Variants in SH3RF3 observed in about 807,000 individuals in gnomAD.
The protein encoded by SH3RF3 is E3 ubiquitin-protein ligase SH3RF3.
Under a neutral mutation model 66.3 loss-of-function variants are expected in SH3RF3, and 29 were observed. The ratio of observed to expected loss-of-function variants is 0.44; its 90% confidence interval spans 0.33 to 0.60. The LOEUF (loss-of-function observed/expected upper bound fraction) is 0.60. Ranked by LOEUF, SH3RF3 falls within the 20% of genes least tolerant of loss-of-function variation. The pLI, the probability that SH3RF3 is intolerant of heterozygous loss-of-function variation, is 0.04. For synonymous variants in SH3RF3, 583 were observed against 532.0 expected, an observed-to-expected ratio of 1.10 and a Z score of -1.32; for missense variants, 1,194 against 1,190.9, an observed-to-expected ratio of 1.00 and a Z score of -0.04.
rs563280927 is a variant in SH3RF3, at chr2:109,138,965, GA to G, written c.573+8853del. Among the ~76,000 whole-genome samples the G allele has an allele frequency of 7.4e-4, 112 of 152,232 alleles. 1 individual carries two copies. Among genetic ancestry groups the G allele is most frequent in the Non-Finnish European group, 1.2e-3 (79 of 68,046 alleles). On this transcript the variant is annotated intron_variant, in intron 1 of 9. Transcript: ENST00000309415. ...AACAAATAGCCAATAGGTATCTCTT[GA>G]CATGTGGTAATAAGAGACATGAAGA... is the stretch of plus-strand genomic sequence containing the variant.
intron 7 of SH3RF3, among the ~76,000 whole-genome samples, chr2:109,445,380 C>T (rs1427722645): frequency 6.6e-6 from 1 of 152,164 alleles, no homozygotes; most frequent in Non-Finnish European, 1.5e-5. Context: ...CCTAAACATG[C>T]TGAACTTAAA....
intron 1 of SH3RF3, among the ~76,000 whole-genome samples, chr2:109,266,325 G>A (rs1409772465): frequency 6.6e-6 from 1 of 151,998 alleles, no homozygotes; most frequent in Non-Finnish European, 1.5e-5. Context: ...TGTATGGTGT[G>A]TGTGTTGTGT....
At chr2:109,167,291 G>A (rs1358236258) in intron 1 of SH3RF3, among the ~76,000 whole-genome samples, 2 of 152,196 alleles carry the variant, frequency 1.3e-5, no homozygotes, top group Admixed American at 1.3e-4. Flanking sequence ...CATAGGTACA[G>A]GAGATGCGGT....
chr2:109,235,144 A>G (rs1436337827), intron 1 of SH3RF3, among the ~76,000 whole-genome samples: 1 of 152,168 alleles, frequency 6.6e-6, no homozygotes, highest in Non-Finnish European at 1.5e-5. Flanking sequence ...CCCTGGGAAG[A>G]CTGTCTGGCC....
chr2:109,436,924 A>T lies in SH3RF3; in HGVS notation c.1606A>T (p.Asn536Tyr). Residue 536 changes from asparagine to tyrosine, a missense_variant, in exon 7 of 10, where the codon AAT (asparagine) becomes TAT (tyrosine). Asn to Tyr is a moderately radical substitution (Grantham distance 143). Coordinates refer to ENST00000309415, the MANE Select transcript of SH3RF3 (RefSeq NM_001099289.3). The stretch of plus-strand genomic sequence containing the variant: ...TGCAGGAGGGGCAGGGCCGCCCCGG[A>T]ATAATGTAGTCGGAGGGTCTCCACT... ...VPAGGAGPPR[N>Y]NVVGGSPLAK... 6.2e-7 allele frequency: 1 copy of T among 1,613,654 alleles called. No individual in the cohort carries two copies. The highest frequency in any genetic ancestry group is 2.2e-5 in the East Asian group (1 of 44,880).
intron 1 of SH3RF3, among the ~76,000 whole-genome samples, chr2:109,288,710 C>G (rs571325339): frequency 6.6e-6 from 1 of 152,178 alleles, no homozygotes; most frequent in Non-Finnish European, 1.5e-5. Flanking sequence ...ATTGCTGGAC[C>G]TGACCCCTGT....
chr2:109,406,096 C>T (rs896960889), intron 4 of SH3RF3, among the ~76,000 whole-genome samples: 2 of 152,158 alleles, frequency 1.3e-5, no homozygotes, highest in Non-Finnish European at 2.9e-5. Flanking sequence ...GATGGCCCGT[C>T]CTGCTCATGT....
At chr2:109,390,971 C>G (rs1304073806) in intron 3 of SH3RF3, among the ~76,000 whole-genome samples, 2 of 152,226 alleles carry the variant, frequency 1.3e-5, no homozygotes, top group Non-Finnish European at 2.9e-5. Flanking sequence ...GCAGCTTGGC[C>G]AACTGCCCCC....
Position 109,449,277 on chromosome 2 carries a change from T to A in SH3RF3, c.1936T>A (p.Ser646Thr). 1 of 1,610,954 alleles carries A rather than the reference T, an allele frequency of 6.2e-7. No homozygotes were observed. ...GCCTGCCACCAGCCTCAGGCCCCAC[T>A]CGGTGGTGTCCCCGCAGCACAGCCA... Reference protein sequence around the residue: ...RLPATSLRPHSVVSPQHSHQP... With the variant: ...RLPATSLRPHTVVSPQHSHQP... The change falls in exon 8 of 10, where the codon TCG becomes ACG. Residue 646 changes from serine (S) to threonine (T), a missense_variant. By Grantham distance (58) the Ser-to-Thr change is moderately conservative. Coordinates refer to ENST00000309415, the MANE Select transcript of SH3RF3 (RefSeq NM_001099289.3).
chr2:109,246,533 T>C (rs930652087), intron 1 of SH3RF3, among the ~76,000 whole-genome samples: 3 of 152,228 alleles, frequency 2.0e-5, no homozygotes, highest in African/African-American at 7.2e-5. Flanking sequence ...GTCCATTGCA[T>C]ACTCCAAGGA....
At chr2:109,420,691 C>T (rs747193119) in intron 5 of SH3RF3, among the ~76,000 whole-genome samples, 7 of 152,134 alleles carry the variant, frequency 4.6e-5, no homozygotes, top group Admixed American at 2.6e-4. Flanking sequence ...GTGATCCGCC[C>T]GCCTTGGCCT....
intron 8 of SH3RF3, among the ~76,000 whole-genome samples, chr2:109,472,882 G>A (rs1391179710): frequency 3.3e-5 from 5 of 152,196 alleles, no homozygotes; most frequent in Non-Finnish European, 5.9e-5. Flanking sequence ...AGGGCAGACA[G>A]CCCTGCTCCA....
chr2:109,222,900 A>C, intron 1 of SH3RF3, among the ~76,000 whole-genome samples: 1 of 152,208 alleles, frequency 6.6e-6, no homozygotes, highest in East Asian at 1.9e-4. Flanking sequence ...TGTATCCCAC[A>C]TGGGGACTCA....
chr2:109,287,572 G>C (rs930718755), intron 1 of SH3RF3, among the ~76,000 whole-genome samples: 8 of 152,148 alleles, frequency 5.3e-5, no homozygotes, highest in Non-Finnish European at 1.2e-4. Context: ...GTTGGTGCTG[G>C]AGACTGCATC....
intron 1 of SH3RF3, among the ~76,000 whole-genome samples, chr2:109,290,908 G>A (rs1681152054): frequency 6.6e-6 from 1 of 152,218 alleles, no homozygotes; most frequent in Admixed American, 6.5e-5. Flanking sequence ...TTTGCCAGAT[G>A]GTAAATTCGT....
intron 1 of SH3RF3, among the ~76,000 whole-genome samples, chr2:109,285,778 G>T (rs1195090223): frequency 6.6e-6 from 1 of 152,240 alleles, no homozygotes; most frequent in African/African-American, 2.4e-5. Flanking sequence ...ACCTGGCAGG[G>T]TGTGAGTCTG....
chr2:109,187,123 G>A (rs985836417), intron 1 of SH3RF3, among the ~76,000 whole-genome samples: 2 of 149,760 alleles, frequency 1.3e-5, no homozygotes, highest in Admixed American at 1.3e-4. Context: ...CAGAGCCACA[G>A]GGTGAGGGAC....
chr2:109,379,766 C>T (rs1160139721), intron 3 of SH3RF3, among the ~76,000 whole-genome samples: 2 of 152,108 alleles, frequency 1.3e-5, no homozygotes, highest in Non-Finnish European at 2.9e-5. Flanking sequence ...CTTTGTAAAG[C>T]CCTCCTGCAG....
At chr2:109,238,314 T>C (rs1213026615) in intron 1 of SH3RF3, among the ~76,000 whole-genome samples, 1 of 152,226 alleles carries the variant, frequency 6.6e-6, no homozygotes, top group Non-Finnish European at 1.5e-5. Context: ...TCACTGTATT[T>C]TTAAAAATCT....
Sources: gnomAD v4.1 joint callset for allele counts (sites outside exome capture counted in the v4.1 genomes callset) on GRCh38, gnomAD v4.1.1 for gene constraint, MANE v1.5 for transcripts, NCBI Gene and HGNC (gene_info 2026-07-23, HGNC 2026-07-21) for gene names.